The following PPFIBP2 variants were observed in gnomAD, a reference collection of about 807,000 sequenced individuals.
The protein encoded by PPFIBP2 is liprin-beta-2.
Under a neutral mutation model 118.3 loss-of-function variants are expected in PPFIBP2, and 118 were observed. The ratio of observed to expected loss-of-function variants is 1.00; its 90% CI spans 0.86 to 1.16. PPFIBP2 has a LOEUF of 1.16. PPFIBP2 is among the 50% of genes most tolerant of loss of function. PPFIBP2 has a pLI of 0.00. For missense variants in PPFIBP2, 1,195 were observed against 1,073.1 expected, an observed-to-expected ratio of 1.11 and a Z score of -1.59; for synonymous variants, 414 against 397.4, an observed-to-expected ratio of 1.04 and a Z score of -0.50.
chr11:7,626,312 A>G (rs965720127), intron 8 of PPFIBP2, among the ~76,000 whole-genome samples: 1 of 152,344 alleles, frequency 6.6e-6, no homozygotes, highest in Non-Finnish European at 1.5e-5. Context: ...ATGCCTGTAT[A>G]AGGCCCTGAG....
At chr11:7,644,052 T>G (rs1301442831) in intron 17 of PPFIBP2, among the ~76,000 whole-genome samples, 2 of 152,178 alleles carry the variant, frequency 1.3e-5, no homozygotes, top group Admixed American at 6.5e-5. Context: ...TCCTTTTTAT[T>G]GGTAATTTAG....
intron 2 of PPFIBP2, among the ~76,000 whole-genome samples, chr11:7,552,155 T>G (rs897768627): frequency 6.6e-6 from 1 of 152,224 alleles, no homozygotes; most frequent in Non-Finnish European, 1.5e-5. Flanking sequence ...CCAGACTACT[T>G]GTTTGAAAAC....
chr11:7,590,550 C>G (rs1482002189), intron 3 of PPFIBP2, among the ~76,000 whole-genome samples: 1 of 152,156 alleles, frequency 6.6e-6, no homozygotes, highest in Non-Finnish European at 1.5e-5. Flanking sequence ...ATATGAGGAA[C>G]CACTGTTCTA....
At chr11:7,515,163 A>G (rs1475630476) in intron 1 of PPFIBP2, among the ~76,000 whole-genome samples, 1 of 152,260 alleles carries the variant, frequency 6.6e-6, no homozygotes, top group East Asian at 1.9e-4. Flanking sequence ...CTTTGGCTTA[A>G]GAGAGGCAAC....
intron 14 of PPFIBP2, among the ~76,000 whole-genome samples, chr11:7,639,520 C>T (rs1320524579): frequency 6.6e-6 from 1 of 152,204 alleles, no homozygotes; most frequent in African/African-American, 2.4e-5. Flanking sequence ...GACTCTGTCC[C>T]TGTCTTACTG....
chr11:7,550,981 G>A (rs1852909945), intron 2 of PPFIBP2, among the ~76,000 whole-genome samples: 1 of 151,928 alleles, frequency 6.6e-6, no homozygotes, highest in Non-Finnish European at 1.5e-5. Flanking sequence ...GGCCTATTGT[G>A]GGACCTTGTG....
chr11:7,657,721 T>TGTCTCTCAAGGCACGGCAAAGAGACC, downstream of PPFIBP2, among the ~76,000 whole-genome samples: 1 of 152,248 alleles, frequency 6.6e-6, no homozygotes, highest in Non-Finnish European at 1.5e-5. Context: ...GGGAAAATCC[T>TGTCTCTCAAGGCACGGCAAAGAGACC]GTCTCTCAAG....
At chr11:7,545,658 G>A (rs938544165) in intron 1 of PPFIBP2, among the ~76,000 whole-genome samples, 2 of 150,960 alleles carry the variant, frequency 1.3e-5, no homozygotes, top group Admixed American at 6.6e-5. Context: ...CTCTTGGAGC[G>A]TGTCCTCCAA....
intron 14 of PPFIBP2, among the ~76,000 whole-genome samples, chr11:7,636,226 T>G (rs1156785892): frequency 6.6e-6 from 1 of 152,192 alleles, no homozygotes; most frequent in Admixed American, 6.5e-5. Context: ...CATGTCCATA[T>G]GAAACATGGA....
In PPFIBP2 at chr11:7,570,572, G is replaced by A. The variant is rs113114310; in HGVS notation, c.279+4805G>A. Among the ~76,000 whole-genome samples, 1,469 of 152,322 alleles carry A rather than the reference G, an allele frequency of 9.6e-3. 25 individuals carry two copies. The highest frequency in any genetic ancestry group is 0.032 in the African/African-American group (1,324 of 41,564). ...CTCAGGCTCCAGGGTGAGGGGTGGT[G>A]CTTGGCAGAGAACCCACAGAAGGGC... On this transcript the variant is annotated intron_variant, in intron 3 of 23. Coordinates refer to ENST00000299492, the MANE Select transcript of PPFIBP2 (RefSeq NM_003621.5).
At chr11:7,605,744 T>G in intron 5 of PPFIBP2, 1 of 1,344,392 alleles carries the variant, frequency 7.4e-7, no homozygotes, top group East Asian at 2.8e-5. Context: ...GCAGAAGAAA[T>G]TAGAGGTTGA....
chr11:7,582,211 A>C (rs1156420501), intron 3 of PPFIBP2, among the ~76,000 whole-genome samples: 1 of 152,156 alleles, frequency 6.6e-6, no homozygotes, highest in Non-Finnish European at 1.5e-5. Flanking sequence ...CATCGATCAG[A>C]ACTGACAACC....
intron 2 of PPFIBP2, among the ~76,000 whole-genome samples, chr11:7,549,993 T>C (rs1270427709): frequency 6.6e-6 from 1 of 152,266 alleles, no homozygotes; most frequent in Non-Finnish European, 1.5e-5. Flanking sequence ...ATTCAATTAA[T>C]GATTCAAATT....
chr11:7,590,595 A>G (rs1408116867), intron 3 of PPFIBP2, among the ~76,000 whole-genome samples: 3 of 152,226 alleles, frequency 2.0e-5, no homozygotes, highest in Non-Finnish European at 4.4e-5. Context: ...TTTCAAATAT[A>G]TTTTAATTAC....
At chr11:7,652,981 G>A (rs1482479439) in intron 23 of PPFIBP2, 43 bp from the exon 24 acceptor site, 1 of 1,571,500 alleles carries the variant, frequency 6.4e-7, no homozygotes, top group African/African-American at 1.4e-5. Flanking sequence ...CCTGCACACT[G>A]CCTTGATTGC....
At chr11:7,633,343 T>A (rs1851032308) in intron 12 of PPFIBP2, among the ~76,000 whole-genome samples, 1 of 152,248 alleles carries the variant, frequency 6.6e-6, no homozygotes, top group South Asian at 2.1e-4. Context: ...TGTCTTCTCA[T>A]AGCAATTGGT....
intron 2 of PPFIBP2, among the ~76,000 whole-genome samples, chr11:7,558,146 A>G (rs1853855695): frequency 6.6e-6 from 1 of 152,244 alleles, no homozygotes; most frequent in Non-Finnish European, 1.5e-5. Flanking sequence ...TCTTGTACAC[A>G]TTGCAAGTTC....
At chr11:7,534,180 G>T (rs1850995724) in intron 1 of PPFIBP2, among the ~76,000 whole-genome samples, 1 of 152,338 alleles carries the variant, frequency 6.6e-6, no homozygotes, top group African/African-American at 2.4e-5. Context: ...TCTCAGTTCT[G>T]CTGGAAGGGA....
chr11:7,600,440 G>C (rs1186335230), intron 5 of PPFIBP2, among the ~76,000 whole-genome samples: 1 of 152,236 alleles, frequency 6.6e-6, no homozygotes, highest in Non-Finnish European at 1.5e-5. Flanking sequence ...TATTCTCTGA[G>C]CTAGGGACAG....
Sources: allele counts gnomAD v4.1 joint callset (sites outside exome capture counted in the v4.1 genomes callset), GRCh38; gene constraint gnomAD v4.1.1; transcripts MANE v1.5; gene names NCBI Gene and HGNC (gene_info 2026-07-23, HGNC 2026-07-21).